WWOX: variants seen among roughly 807,000 people sequenced by gnomAD.
WWOX encodes the protein WW domain containing oxidoreductase, also known as WW domain-containing oxidoreductase.
Under a neutral mutation model 46.2 loss-of-function variants are expected in WWOX, and 69 were observed. The observed-to-expected ratio is 1.49, with a 90% CI of 1.23 to 1.82. WWOX has a LOEUF of 1.82. WWOX is among the 40% of genes most tolerant of loss of function. The pLI is 0.00. For synonymous variants in WWOX, 359 were observed against 202.6 expected (o/e 1.77, Z -6.56); for missense variants, 919 against 542.6 (o/e 1.69, Z -6.89).
chr16:78,807,818 G>A (rs1315968285), intron 8 of WWOX, among the ~76,000 whole-genome samples: 1 of 152,200 alleles, frequency 6.6e-6, no homozygotes, highest in Non-Finnish European at 1.5e-5. Context: ...AAACTGAAAT[G>A]AATTAAAGTT....
intron 8 of WWOX, among the ~76,000 whole-genome samples, chr16:79,020,566 CTAT>C (rs1267230557): frequency 1.3e-5 from 2 of 152,154 alleles, no homozygotes; most frequent in Non-Finnish European, 2.9e-5. Context: ...TAAATGTTTG[CTAT>C]TATTGTCATC....
chr16:78,298,327 A>G lies in WWOX; in HGVS notation c.517-88533A>G, dbSNP rs528731753. 2.0e-5 allele frequency among the ~76,000 whole-genome samples: 3 copies of G among 152,236 alleles called. No individual in the cohort carries two copies. The South Asian group carries it at 6.2e-4, about 32-fold the overall frequency. Reference sequence around the variant, plus strand: ...GAGATGAGAAGAGCTCTATAGGCAAAAAGAATGACTTGGAAGGCCACATAT... The same window carrying G: ...GAGATGAGAAGAGCTCTATAGGCAAGAAGAATGACTTGGAAGGCCACATAT... On this transcript the variant is annotated intron_variant, in intron 5 of 8. Coordinates refer to ENST00000566780, the MANE Select transcript of WWOX (RefSeq NM_016373.4).
intron 8 of WWOX, among the ~76,000 whole-genome samples, chr16:78,568,259 G>A (rs927100056): frequency 6.6e-6 from 1 of 151,812 alleles, no homozygotes; most frequent in South Asian, 2.1e-4. Context: ...AATATATGAG[G>A]TACGGGATGA....
chr16:79,097,883 G>A (rs8063006), intron 8 of WWOX, among the ~76,000 whole-genome samples: 76,681 of 151,986 alleles, frequency 0.5, 23,446 homozygotes, highest in African/African-American at 0.85. Flanking sequence ...CTGAACTTCA[G>A]GTGAAGTTTC....
chr16:78,373,223 G>A (rs2081736820), intron 5 of WWOX, among the ~76,000 whole-genome samples: 1 of 152,264 alleles, frequency 6.6e-6, no homozygotes, highest in East Asian at 1.9e-4. Flanking sequence ...TACCTTATGA[G>A]TTATGGCAGA....
chr16:78,904,782 T>A (rs997623291), intron 8 of WWOX, among the ~76,000 whole-genome samples: 2 of 152,236 alleles, frequency 1.3e-5, no homozygotes, highest in Admixed American at 6.5e-5. Context: ...TCTCGGGCCT[T>A]TGCACCTTCT....
At chr16:78,911,839 C>G (rs12931310) in intron 8 of WWOX, among the ~76,000 whole-genome samples, 93,696 of 151,840 alleles carry the variant, frequency 0.62, 32,601 homozygotes, top group Non-Finnish European at 0.79. Flanking sequence ...GCATTCCAGC[C>G]TGGGTGACAG....
chr16:78,396,277 A>AG (rs1410335614), intron 6 of WWOX, among the ~76,000 whole-genome samples: 5 of 152,188 alleles, frequency 3.3e-5, no homozygotes, highest in Non-Finnish European at 5.9e-5. Flanking sequence ...TACATCAATT[A>AG]GGGGTCACTT....
chr16:78,281,303 A>G (rs2079674252), intron 5 of WWOX, among the ~76,000 whole-genome samples: 1 of 152,200 alleles, frequency 6.6e-6, no homozygotes, highest in South Asian at 2.1e-4. Context: ...ATGTTTCAAC[A>G]TGAGATTTGG....
intron 8 of WWOX, among the ~76,000 whole-genome samples, chr16:79,052,491 A>C (rs1252452817): frequency 1.3e-5 from 2 of 152,218 alleles, no homozygotes; most frequent in Non-Finnish European, 2.9e-5. Flanking sequence ...ACATATGTTT[A>C]TTGCGGCATT....
intron 8 of WWOX, among the ~76,000 whole-genome samples, chr16:78,908,343 C>T (rs1431353836): frequency 6.6e-6 from 1 of 152,018 alleles, no homozygotes; most frequent in Non-Finnish European, 1.5e-5. Flanking sequence ...AGTTTGAGAC[C>T]ATCCTGGCCA....
intron 8 of WWOX, among the ~76,000 whole-genome samples, chr16:79,023,682 G>C (rs1317946089): frequency 6.6e-6 from 1 of 152,092 alleles, no homozygotes; most frequent in Non-Finnish European, 1.5e-5. Context: ...CACTTTGGGA[G>C]GCTGAGGCAG....
In WWOX at chr16:78,356,096, A is replaced by G. The variant is rs547869140; in HGVS notation, c.517-30764A>G. On this transcript the variant is annotated intron_variant, in intron 5 of 8. Transcript: ENST00000566780. ...TAAAAAAAAAAAAAAAAAAAAAAGA[A>G]GAATCGATTGAACCCGGGAGGTGGA... Among the ~76,000 whole-genome samples, 22 of 65,270 alleles carry G rather than the reference A, an allele frequency of 3.4e-4. No individual in the cohort carries two copies. In the East Asian group the frequency reaches 4.2e-3, roughly 12 times the overall value. The allele number at this position is 65,270 out of a possible 152,430, so 42.8% of individuals were successfully genotyped here.
At chr16:78,331,881 G>A (rs2080132800) in intron 5 of WWOX, among the ~76,000 whole-genome samples, 1 of 152,090 alleles carries the variant, frequency 6.6e-6, no homozygotes, top group South Asian at 2.1e-4. Context: ...CCCCTTTACA[G>A]ACACAGAAAC....
intron 8 of WWOX, among the ~76,000 whole-genome samples, chr16:78,661,501 C>T (rs1404132419): frequency 1.3e-5 from 2 of 152,090 alleles, no homozygotes; most frequent in South Asian, 2.1e-4. Flanking sequence ...TGGATTTGAT[C>T]ATTCCTTATT....
chr16:78,574,088 C>T (rs1396920315), intron 8 of WWOX, among the ~76,000 whole-genome samples: 1 of 152,214 alleles, frequency 6.6e-6, no homozygotes, highest in Non-Finnish European at 1.5e-5. Context: ...TTCTTGCTGA[C>T]TGTTGGCTGT....
chr16:78,897,116 G>A (rs192647268), intron 8 of WWOX: 1 of 150,722 alleles, frequency 6.6e-6, no homozygotes, highest in Non-Finnish European at 1.5e-5. Flanking sequence ...TGGCCATTGT[G>A]ACATATGCCT....
At chr16:78,700,351 A>AGAGG (rs2048187347) in intron 8 of WWOX, among the ~76,000 whole-genome samples, 1 of 107,702 alleles carries the variant, frequency 9.3e-6, no homozygotes, top group African/African-American at 3.9e-5. Context: ...AGAGAGAGAG[A>AGAGG]GAGAGAGAGA....
intron 8 of WWOX, among the ~76,000 whole-genome samples, chr16:78,814,062 T>C (rs1379888429): frequency 6.6e-6 from 1 of 152,202 alleles, no homozygotes; most frequent in Non-Finnish European, 1.5e-5. Context: ...CACTTACCAA[T>C]ACTGCCCAGG....
Sources: gnomAD v4.1 joint callset for allele counts (sites outside exome capture counted in the v4.1 genomes callset) on GRCh38, gnomAD v4.1.1 for gene constraint, MANE v1.5 for transcripts, NCBI Gene and HGNC (gene_info 2026-07-23, HGNC 2026-07-21) for gene names.